Variants in CCDC33 observed in about 807,000 individuals in gnomAD.
CCDC33 encodes the protein coiled-coil domain-containing protein 33.
A neutral mutation model predicts 91.9 loss-of-function variants in CCDC33; 94 were observed. The observed-to-expected ratio is 1.02, with a 90% CI of 0.87 to 1.21. CCDC33 has a LOEUF of 1.21. CCDC33 is among the 50% of genes most tolerant of loss of function. CCDC33 has a pLI of 0.00. For synonymous variants in CCDC33, 396 were observed against 374.5 expected (o/e 1.06, Z -0.66); for missense variants, 940 against 935.5 (o/e 1.00, Z -0.06).
intron 15 of CCDC33, among the ~76,000 whole-genome samples, chr15:74,331,899 G>A (rs1463502791): frequency 3.3e-5 from 5 of 151,942 alleles, no homozygotes; most frequent in African/African-American, 9.7e-5. Flanking sequence ...GCATGGTGGC[G>A]GGCACCTATA....
chr15:74,275,814 C>T (rs1395563232), intron 7 of CCDC33, among the ~76,000 whole-genome samples: 2 of 152,084 alleles, frequency 1.3e-5, no homozygotes, highest in Admixed American at 6.5e-5. Context: ...GGATTACAGG[C>T]GAGCGCCACC....
chr15:74,211,230 C>G (rs376618925), intron 2 of CCDC33, among the ~76,000 whole-genome samples: 2 of 151,676 alleles, frequency 1.3e-5, no homozygotes, highest in Admixed American at 6.6e-5. Context: ...GCTTGGACTC[C>G]GTTTCATTCT....
chr15:74,328,048 C>T (rs1246024776), intron 11 of CCDC33, among the ~76,000 whole-genome samples: 4 of 152,162 alleles, frequency 2.6e-5, no homozygotes. Flanking sequence ...CCAAGAAAAC[C>T]CATTTGGATG....
chr15:74,248,503 CCTTCTCT>C (rs1359652051), intron 2 of CCDC33, among the ~76,000 whole-genome samples: 12 of 152,070 alleles, frequency 7.9e-5, no homozygotes, highest in Admixed American at 7.9e-4. Flanking sequence ...TGGATTCTGT[CCTTCTCT>C]CTGGGTTTGT....
intron 10 of CCDC33, among the ~76,000 whole-genome samples, chr15:74,292,696 T>A (rs1596047141): frequency 6.6e-6 from 1 of 151,732 alleles, no homozygotes; most frequent in Non-Finnish European, 1.5e-5. Flanking sequence ...GCTGGGGAGG[T>A]ACAGGCATGG....
chr15:74,291,042 C>G (rs1308057753), intron 10 of CCDC33, among the ~76,000 whole-genome samples: 2 of 151,874 alleles, frequency 1.3e-5, no homozygotes, highest in African/African-American at 4.9e-5. Context: ...TCAAAATGTG[C>G]TTTGGGATTA....
intron 10 of CCDC33, among the ~76,000 whole-genome samples, chr15:74,284,243 T>G (rs1004799250): frequency 6.6e-6 from 1 of 152,232 alleles, no homozygotes; most frequent in East Asian, 1.9e-4. Context: ...AAGTAGAATT[T>G]TGGCTGCCAT....
chr15:74,245,367 T>TGTGCC (rs1431960001), intron 2 of CCDC33, among the ~76,000 whole-genome samples: 3 of 152,204 alleles, frequency 2.0e-5, no homozygotes, highest in African/African-American at 7.2e-5. Context: ...AAGCCCCATT[T>TGTGCC]GTGCCAGCCC....
At position 74,330,625 on chromosome 15, in the gene CCDC33, G is replaced by A. The variant is rs1020922062; in HGVS notation, c.1457-38G>A. On this transcript the variant is annotated intron_variant, in intron 12 of 18. Transcript: ENST00000398814. ...ACCATGCTGATTTGAGCTGGGAGAG[G>A]CTTCCTCCCTGAGCCAGCTCCCCAA... 2.0e-6 allele frequency: 3 copies of A among 1,519,832 alleles called. No individual in the cohort carries two copies. The East Asian group carries it at 6.8e-5, about 34-fold the overall frequency. 94.1% of individuals were successfully genotyped at this position (1,519,832 alleles called of 1,614,324 possible).
chr15:74,237,048 G>A (rs780634287), intron 1 of CCDC33, among the ~76,000 whole-genome samples: 33 of 152,292 alleles, frequency 2.2e-4, no homozygotes, highest in South Asian at 4.1e-4. Context: ...CCACTGAGAT[G>A]GTTCATTACC....
At chr15:74,250,363 C>T (rs1310176370) in intron 2 of CCDC33, among the ~76,000 whole-genome samples, 2 of 152,192 alleles carry the variant, frequency 1.3e-5, no homozygotes, top group South Asian at 2.1e-4. Context: ...TCCCCAGCAA[C>T]AGGACCTCCA....
upstream of CCDC33, among the ~76,000 whole-genome samples, chr15:74,235,405 C>T (rs778799340): frequency 2.2e-4 from 33 of 152,318 alleles, no homozygotes; most frequent in Middle Eastern, 3.4e-3. Flanking sequence ...CTCCTGGCTG[C>T]CAGGCTGGTC....
In CCDC33 at chr15:74,315,725, C is replaced by T. The variant is rs575800502; in HGVS notation, c.1291-14464C>T. 5.3e-5 allele frequency among the ~76,000 whole-genome samples: 8 copies of T among 152,290 alleles called. No homozygotes were observed. The East Asian group carries it at 1.2e-3, about 22-fold the overall frequency. Reference sequence around the variant, plus strand: ...CTCTGTCCTGTAGGTGGGGGAACTGCGTGAGCAAAGGCACAGAGGCCGGAT... The same window carrying T: ...CTCTGTCCTGTAGGTGGGGGAACTGTGTGAGCAAAGGCACAGAGGCCGGAT... On this transcript the variant is annotated intron_variant, in intron 11 of 18. Transcript: ENST00000398814.
intron 1 of CCDC33, among the ~76,000 whole-genome samples, chr15:74,203,474 C>T (rs1366027890): frequency 6.6e-6 from 1 of 152,236 alleles, no homozygotes. Flanking sequence ...AAGCAGTTCT[C>T]AGGCCACTGT....
chr15:74,336,071 CT>C lies in CCDC33; in HGVS notation c.*20del. On this transcript the variant is annotated 3_prime_UTR_variant, in exon 19 of 19. Coordinates refer to ENST00000398814, the MANE Select transcript of CCDC33 (RefSeq NM_025055.5). Reference sequence around the variant, plus strand: ...AGACCTGAGCCCCAGAGCAGGCCTCCTTCCCTGTGTGCTGGGGAGTCTCATC... The same window carrying C: ...AGACCTGAGCCCCAGAGCAGGCCTCCTCCCTGTGTGCTGGGGAGTCTCATC... 3 of 1,613,040 alleles carry C rather than the reference CT, an allele frequency of 1.9e-6. No individual in the cohort carries two copies. Among genetic ancestry groups the C allele is most frequent in the Non-Finnish European group, 2.5e-6 (3 of 1,179,846 alleles).
At chr15:74,322,793 A>T (rs556979833) in intron 11 of CCDC33, among the ~76,000 whole-genome samples, 2 of 152,372 alleles carry the variant, frequency 1.3e-5, no homozygotes, top group East Asian at 3.9e-4. Flanking sequence ...AACCACATGC[A>T]GATGGCCTGG....
intron 10 of CCDC33, among the ~76,000 whole-genome samples, chr15:74,294,019 G>A (rs1486993408): frequency 4.6e-5 from 7 of 152,204 alleles, no homozygotes; most frequent in Admixed American, 3.3e-4. Context: ...GTAAAGTGAA[G>A]GGTCCTTGTC....
intron 3 of CCDC33, among the ~76,000 whole-genome samples, chr15:74,265,974 A>T (rs748756490): frequency 7.9e-5 from 12 of 152,204 alleles, no homozygotes; most frequent in Non-Finnish European, 1.8e-4. Context: ...TAGTGAGCTG[A>T]GATCATGCCA....
chr15:74,275,692 G>A (rs1025117156), intron 7 of CCDC33, among the ~76,000 whole-genome samples: 8 of 149,602 alleles, frequency 5.3e-5, no homozygotes, highest in Admixed American at 1.3e-4. Flanking sequence ...TTTTTTTTGC[G>A]ACCAAGTCTC....
Sources: allele counts gnomAD v4.1 joint callset (sites outside exome capture counted in the v4.1 genomes callset), GRCh38; gene constraint gnomAD v4.1.1; transcripts MANE v1.5; gene names NCBI Gene and HGNC (gene_info 2026-07-23, HGNC 2026-07-21).